Variants in SNRPC observed in about 807,000 individuals in gnomAD.
SNRPC encodes U1 small nuclear ribonucleoprotein C.
A neutral mutation model predicts 20.0 loss-of-function variants in SNRPC; 5 were observed. That is an observed-to-expected ratio of 0.25 (90% CI 0.13 to 0.53). The LOEUF (loss-of-function observed/expected upper bound fraction) is 0.53, where lower values mean the gene tolerates loss of function less well. Among genes scored for constraint, SNRPC ranks in the 20% least tolerant of loss-of-function variants. SNRPC has a pLI of 0.96. For missense variants in SNRPC, 112 were observed against 224.1 expected, an observed-to-expected ratio of 0.50 and a Z score of 3.19; for synonymous variants, 61 against 58.7, an observed-to-expected ratio of 1.04 and a Z score of -0.18.
chr6:34,757,801 T>C (rs771225751), intron 1 of SNRPC, 111 bp from the exon 2 acceptor site: 1 of 1,601,908 alleles, frequency 6.2e-7, no homozygotes, highest in Non-Finnish European at 8.5e-7. Flanking sequence ...TGAGGCGGTC[T>C]GGCTTTTTGT....
intron 2 of SNRPC, among the ~76,000 whole-genome samples, chr6:34,761,381 G>A (rs114863007): frequency 0.069 from 10,476 of 152,032 alleles, 528 homozygotes; most frequent in Non-Finnish European, 0.1. Flanking sequence ...CAGGTGATCC[G>A]CACACTTTGG....
At chr6:34,771,239 G>T (rs1043146305) in intron 5 of SNRPC, among the ~76,000 whole-genome samples, 1 of 149,320 alleles carries the variant, frequency 6.7e-6, no homozygotes, top group African/African-American at 2.5e-5. Context: ...TGAGGCAGGA[G>T]AATCACTTGA....
At chr6:34,772,105 G>C (rs1395455236) in intron 5 of SNRPC, among the ~76,000 whole-genome samples, 6 of 152,140 alleles carry the variant, frequency 3.9e-5, no homozygotes, top group African/African-American at 1.2e-4. Flanking sequence ...GTAATTAGAG[G>C]GTGGACGGGG....
chr6:34,767,774 ATAAT>A, intron 3 of SNRPC, 130 bp from the exon 4 acceptor site: 1 of 872,920 alleles, frequency 1.1e-6, no homozygotes, highest in Non-Finnish European at 1.6e-6. Context: ...CCATGATGTA[ATAAT>A]TTTAGATGAC....
chr6:34,765,983 C>G (rs967975976), intron 3 of SNRPC, among the ~76,000 whole-genome samples: 1 of 152,032 alleles, frequency 6.6e-6, no homozygotes, highest in Non-Finnish European at 1.5e-5. Context: ...TCAAGCAATC[C>G]TCCTGCCTCG....
intron 5 of SNRPC, among the ~76,000 whole-genome samples, chr6:34,771,883 A>G (rs561997793): frequency 9.2e-5 from 14 of 152,344 alleles, no homozygotes; most frequent in African/African-American, 3.1e-4. Flanking sequence ...CCAGGCTCAC[A>G]AATTCAAATT....
At chr6:34,760,889 C>CA (rs58737173) in intron 2 of SNRPC, among the ~76,000 whole-genome samples, 30,756 of 149,848 alleles carry the variant, frequency 0.21, 3,830 homozygotes, top group East Asian at 0.36. Context: ...ACTAAAAATA[C>CA]AAAAAAAAAT....
In SNRPC at chr6:34,770,066, T is replaced by C. The variant is rs150041269; in HGVS notation, c.251-225T>C. Among the ~76,000 whole-genome samples the C allele has an allele frequency of 6.4e-3, 971 of 152,218 alleles. 9 individuals are homozygous for C. The highest frequency in any genetic ancestry group is 0.016 in the African/African-American group (667 of 41,542). On this transcript the variant is annotated intron_variant, in intron 4 of 5. Coordinates refer to ENST00000244520, the MANE Select transcript of SNRPC (RefSeq NM_003093.3). ...GGAGAAACCCTGTCTCTACTAGAAA[T>C]ACAAAATTAGCTGGGCGTGGTGGCA...
chr6:34,759,146 A>G (rs1328621476), intron 2 of SNRPC, among the ~76,000 whole-genome samples: 2 of 152,228 alleles, frequency 1.3e-5, no homozygotes, highest in Non-Finnish European at 2.9e-5. Flanking sequence ...ATTTTCCAAA[A>G]TTCTGATTTT....
chr6:34,757,607 G>A, intron 1 of SNRPC, 56 bp downstream of exon 1: 1 of 1,579,124 alleles, frequency 6.3e-7, no homozygotes, highest in Non-Finnish European at 8.7e-7. Flanking sequence ...TGGCCCCCAT[G>A]CAGGAGCGGA....
intron 5 of SNRPC, among the ~76,000 whole-genome samples, chr6:34,770,926 A>G (rs1764681851): frequency 6.6e-6 from 1 of 152,132 alleles, no homozygotes; most frequent in Admixed American, 6.5e-5. Context: ...TTGTTTTTTT[A>G]TTTAGGGAGG....
intron 3 of SNRPC, among the ~76,000 whole-genome samples, chr6:34,763,718 T>TTTTA (rs1561790225): frequency 6.6e-6 from 1 of 150,696 alleles, no homozygotes; most frequent in Non-Finnish European, 1.5e-5. Context: ...TTTTATTTAT[T>TTTTA]TTTATTTATT....
chr6:34,759,019 C>CAAAAAAAA (rs755576537), intron 2 of SNRPC, among the ~76,000 whole-genome samples: 8 of 24,638 alleles, frequency 3.2e-4, no homozygotes, highest in African/African-American at 5.4e-4. Context: ...GACTCCGTCT[C>CAAAAAAAA]AAAAAAAAAA....
intron 5 of SNRPC, among the ~76,000 whole-genome samples, chr6:34,771,834 A>G (rs1346708970): frequency 3.3e-5 from 5 of 152,140 alleles, no homozygotes; most frequent in African/African-American, 4.8e-5. Flanking sequence ...TGAGCCCAAA[A>G]CACAATCAAA....
chr6:34,757,988 C>G (rs376508953), intron 2 of SNRPC, 34 bp downstream of exon 2: 5 of 1,582,138 alleles, frequency 3.2e-6, no homozygotes, highest in South Asian at 1.2e-5. Flanking sequence ...TTTCAAAAAG[C>G]CTTATGTGTA....
chr6:34,766,680 C>G lies in SNRPC; in HGVS notation c.161-1228C>G, dbSNP rs547553292. On this transcript the variant is annotated intron_variant, in intron 3 of 5. Coordinates refer to ENST00000244520, the MANE Select transcript of SNRPC (RefSeq NM_003093.3). ...CCCCACTTCAGGCTTTACAAGCTGT[C>G]CTCTTACAAAGGATGTGAGAGAGGC... is the stretch of plus-strand genomic sequence containing the variant. 1.2e-3 allele frequency among the ~76,000 whole-genome samples: 177 copies of G among 152,326 alleles called. 2 individuals are homozygous for G. Among genetic ancestry groups the G allele is most frequent in the Admixed American group, 1.9e-3 (29 of 15,300 alleles).
intron 2 of SNRPC, among the ~76,000 whole-genome samples, chr6:34,759,340 C>T (rs1426309563): frequency 6.6e-6 from 1 of 151,994 alleles, no homozygotes; most frequent in Non-Finnish European, 1.5e-5. Flanking sequence ...GTCTGTAATC[C>T]CAGCACTTCG....
At chr6:34,765,745 A>T (rs1232165543) in intron 3 of SNRPC, among the ~76,000 whole-genome samples, 1 of 150,174 alleles carries the variant, frequency 6.7e-6, no homozygotes, top group Non-Finnish European at 1.5e-5. Flanking sequence ...GCCCAGTCAC[A>T]ATTTTTTTTT....
intron 2 of SNRPC, among the ~76,000 whole-genome samples, chr6:34,761,513 ATTTT>A (rs869059984): frequency 0.011 from 975 of 85,646 alleles, 6 homozygotes; most frequent in African/African-American, 0.037. Context: ...ACAAGGAACA[ATTTT>A]TTTTTTTTTT....
Sources: gnomAD v4.1 joint callset for allele counts (sites outside exome capture counted in the v4.1 genomes callset) on GRCh38, gnomAD v4.1.1 for gene constraint, MANE v1.5 for transcripts, NCBI Gene and HGNC (gene_info 2026-07-23, HGNC 2026-07-21) for gene names.